The following DENND11 variants were observed in gnomAD, a reference collection of about 807,000 sequenced individuals.
DENND11 encodes DENN domain containing 11, also known as DENN domain-containing protein 11.
Under a neutral mutation model 49.2 loss-of-function variants are expected in DENND11, and 34 were observed. That is an observed-to-expected ratio of 0.69 (90% CI 0.53 to 0.92). The LOEUF is 0.92. Ranked by LOEUF, DENND11 falls within the 40% of genes least tolerant of loss-of-function variation. DENND11 has a pLI of 0.00. For synonymous variants in DENND11, 238 were observed against 230.3 expected (o/e 1.03, Z -0.30); for missense variants, 475 against 581.6 (o/e 0.82, Z 1.88).
At chr7:141,685,058 A>ATATATATATT (rs1554410137) in intron 3 of DENND11, among the ~76,000 whole-genome samples, 1 of 128,894 alleles carries the variant, frequency 7.8e-6, no homozygotes, top group African/African-American at 2.7e-5. Context: ...ATATATATAT[A>ATATATATATT]TTTTTAAGTT....
chr7:141,685,655 G>A lies in DENND11; in HGVS notation c.369-19C>T, dbSNP rs979399519. ...GAAATAGCTAGAAGAGACCAAATAC[G>A]TAGTGTGGCTCAAGATCAGAGAGGA... On this transcript the variant is annotated intron_variant, in intron 2 of 8. Coordinates refer to ENST00000536163, the MANE Select transcript of DENND11 (RefSeq NM_001080392.2). 1.1e-5 allele frequency: 18 copies of A among 1,612,622 alleles called. No homozygotes were observed. Among genetic ancestry groups the A allele is most frequent in the Middle Eastern group, 1.6e-4 (1 of 6,084 alleles).
intron 4 of DENND11, among the ~76,000 whole-genome samples, chr7:141,673,486 G>C (rs988694018): frequency 1.3e-5 from 2 of 152,110 alleles, no homozygotes; most frequent in Non-Finnish European, 2.9e-5. Flanking sequence ...TTGGACTCTT[G>C]GCATAATTTC....
intron 1 of DENND11, among the ~76,000 whole-genome samples, chr7:141,699,679 T>C (rs1014287132): frequency 3.4e-4 from 52 of 152,184 alleles, no homozygotes; most frequent in Admixed American, 3.3e-3. Context: ...GGCAGCATAG[T>C]ATACTAGAAA....
intron 1 of DENND11, among the ~76,000 whole-genome samples, chr7:141,687,631 A>ATTTTTTTTT (rs36080710): frequency 1.8e-5 from 2 of 112,824 alleles, no homozygotes; most frequent in Non-Finnish European, 3.5e-5. Flanking sequence ...CACTCGGCTA[A>ATTTTTTTTT]TTTTTTTTTT....
At chr7:141,677,519 A>ATATG (rs1271327636) in intron 3 of DENND11, among the ~76,000 whole-genome samples, 1 of 102,480 alleles carries the variant, frequency 9.8e-6, no homozygotes, top group African/African-American at 3.6e-5. Context: ...ATATATATAT[A>ATATG]TGTATATATA....
At chr7:141,687,239 CCTCT>C (rs1164073324) in intron 1 of DENND11, among the ~76,000 whole-genome samples, 3 of 152,176 alleles carry the variant, frequency 2.0e-5, no homozygotes, top group Admixed American at 6.5e-5. Context: ...CTCTCTCTCT[CCTCT>C]CTAAGTGAGG....
At chr7:141,688,088 G>T (rs1798272924) in intron 1 of DENND11, among the ~76,000 whole-genome samples, 1 of 152,138 alleles carries the variant, frequency 6.6e-6, no homozygotes, top group African/African-American at 2.4e-5. Context: ...GCCAAAGTAG[G>T]ATTTTAAAAG....
intron 4 of DENND11, among the ~76,000 whole-genome samples, chr7:141,673,127 G>A (rs1424876526): frequency 6.6e-6 from 1 of 152,164 alleles, no homozygotes; most frequent in Non-Finnish European, 1.5e-5. Flanking sequence ...AACATGCACT[G>A]GCTGTGGCAC....
Position 141,656,985 on chromosome 7 carries a change from GCAAAAT to G in DENND11, c.*5665_*5670del, listed in dbSNP as rs1219391853. 6.6e-6 allele frequency: 1 copy of G among 152,618 alleles called. No homozygotes were observed. The highest frequency in any genetic ancestry group is 1.5e-5 in the Non-Finnish European group (1 of 68,046). 9.5% of individuals were successfully genotyped at this position (152,618 alleles called of 1,614,324 possible). A position where few individuals can be genotyped will look rare whatever the true frequency, so the allele number is the denominator to read the frequency against. On this transcript the variant is annotated 3_prime_UTR_variant, in exon 9 of 9. Coordinates refer to ENST00000536163, the MANE Select transcript of DENND11 (RefSeq NM_001080392.2). ...ATACCTGGGCACACCAGTATTCAGG[GCAAAAT>G]CTATGCAGTGTCTTACTAATTTCAT...
At chr7:141,662,999 G>T in intron 8 of DENND11, 148 bp from the exon 9 acceptor site, 1 of 532,482 alleles carries the variant, frequency 1.9e-6, no homozygotes, top group Non-Finnish European at 3.0e-6. Flanking sequence ...AAAGAAAAGA[G>T]TAAAAGTTAA....
chr7:141,674,291 C>A, intron 3 of DENND11, 71 bp from the exon 4 acceptor site: 1 of 1,449,316 alleles, frequency 6.9e-7, no homozygotes, highest in Non-Finnish European at 9.1e-7. Flanking sequence ...GCTCTGCTAC[C>A]ACTCCTACCC....
At chr7:141,664,039 G>T in intron 8 of DENND11, 133 bp downstream of exon 8, 1 of 705,634 alleles carries the variant, frequency 1.4e-6, no homozygotes, top group Non-Finnish European at 2.4e-6. Context: ...TCTGTAAGGA[G>T]CCCGGCTCTA....
intron 4 of DENND11, among the ~76,000 whole-genome samples, chr7:141,673,163 T>C (rs1333114630): frequency 6.6e-6 from 1 of 152,188 alleles, no homozygotes; most frequent in African/African-American, 2.4e-5. Context: ...ATCTTAGCTC[T>C]AACTCCTATT....
Position 141,686,638 on chromosome 7 carries a change from A to C in DENND11, c.289T>G (p.Leu97Val), listed in dbSNP as rs1334155788. 1.2e-6 allele frequency: 2 copies of C among 1,612,198 alleles called. No individual in the cohort carries two copies. The highest frequency in any genetic ancestry group is 2.7e-5 in the African/African-American group (2 of 74,916). ...CCTTCAAGGTCAATATCTTGAGGTA[A>C]GCACCATTCTACCATGTTTCCTGCA... The part of the protein sequence containing the change: ...PRSGNMVEWC[L>V]PQDIDLEGVE... Residue 97 changes from leucine to valine, a missense_variant, in exon 2 of 9, where the codon TTA becomes GTA. Transcript: ENST00000536163.
chr7:141,690,742 A>G (rs1798314828), intron 1 of DENND11, among the ~76,000 whole-genome samples: 1 of 152,234 alleles, frequency 6.6e-6, no homozygotes, highest in African/African-American at 2.4e-5. Context: ...GCAAAAAAGA[A>G]AACAAAATTT....
At chr7:141,691,360 A>ACC (rs1798324685) in intron 1 of DENND11, among the ~76,000 whole-genome samples, 1 of 152,200 alleles carries the variant, frequency 6.6e-6, no homozygotes, top group South Asian at 2.1e-4. Context: ...TGATCGTTAC[A>ACC]TGAAAAAGAA....
intron 3 of DENND11, among the ~76,000 whole-genome samples, chr7:141,685,029 A>AAAATATATATATATAT (rs1305276426): frequency 1.1e-5 from 1 of 91,542 alleles, no homozygotes; most frequent in Non-Finnish European, 2.0e-5. Flanking sequence ...AAAAAAAAAA[A>AAAATATATATATATAT]ATATATATAT....
At chr7:141,665,117 A>G in intron 6 of DENND11, 63 bp from the exon 7 acceptor site, 1 of 1,610,012 alleles carries the variant, frequency 6.2e-7, no homozygotes, top group Admixed American at 1.7e-5. Flanking sequence ...CAAGGCGCCC[A>G]GGAGCCCTGT....
At chr7:141,667,231 T>A (rs1797909967) in intron 4 of DENND11, among the ~76,000 whole-genome samples, 1 of 152,150 alleles carries the variant, frequency 6.6e-6, no homozygotes, top group Non-Finnish European at 1.5e-5. Flanking sequence ...CCACTCTTCC[T>A]TCTGTCACTA....
Sources: allele counts gnomAD v4.1 joint callset (sites outside exome capture counted in the v4.1 genomes callset), GRCh38; gene constraint gnomAD v4.1.1; transcripts MANE v1.5; gene names NCBI Gene and HGNC (gene_info 2026-07-23, HGNC 2026-07-21).